NRG1: variants seen among roughly 807,000 people sequenced by gnomAD.
The protein encoded by NRG1 is pro-neuregulin-1, membrane-bound isoform.
NRG1 carries 18 observed loss-of-function variants against 63.8 expected under a neutral mutation model. The ratio of observed to expected loss-of-function variants is 0.28; its 90% CI spans 0.19 to 0.42. The LOEUF is 0.42. Ranked by LOEUF, NRG1 falls within the 10% of genes least tolerant of loss-of-function variation. NRG1 has a pLI of 1.00. For synonymous variants in NRG1, 302 were observed against 301.3 expected (o/e 1.00, Z -0.02); for missense variants, 762 against 814.7 (o/e 0.94, Z 0.79).
chr8:31,969,450 G>A (rs537528966), intron 1 of NRG1, among the ~76,000 whole-genome samples: 1 of 152,212 alleles, frequency 6.6e-6, no homozygotes, highest in South Asian at 2.1e-4. Flanking sequence ...TTAACTGATT[G>A]AACATCAACA....
chr8:32,771,715 A>AAAAATATATATATATATAT (rs1343943621), downstream of NRG1, among the ~76,000 whole-genome samples: 6 of 111,848 alleles, frequency 5.4e-5, no homozygotes, highest in African/African-American at 2.1e-4. Flanking sequence ...TTAAAAAAAA[A>AAAAATATATATATATATAT]ATATATATAT....
intron 1 of NRG1, among the ~76,000 whole-genome samples, chr8:31,928,133 G>A (rs146949855): frequency 3.3e-5 from 5 of 151,658 alleles, no homozygotes; most frequent in East Asian, 1.9e-4. Context: ...ATATGGTTGT[G>A]TGACAAAAAG....
chr8:31,690,578 G>A (rs12682592), intron 1 of NRG1, among the ~76,000 whole-genome samples: 26,739 of 152,134 alleles, frequency 0.18, 3,298 homozygotes, highest in East Asian at 0.57. Context: ...GAGGTGATCC[G>A]AGAGAGTGAT....
At chr8:32,144,213 G>GT (rs1836614232) in intron 1 of NRG1, among the ~76,000 whole-genome samples, 1 of 152,156 alleles carries the variant, frequency 6.6e-6, no homozygotes. Context: ...CAGTCATAAA[G>GT]CAAAGGACAG....
chr8:31,896,671 T>C (rs1393098755), intron 1 of NRG1, among the ~76,000 whole-genome samples: 1 of 152,226 alleles, frequency 6.6e-6, no homozygotes, highest in Non-Finnish European at 1.5e-5. Flanking sequence ...GTTGCCTTTC[T>C]AACAAGTTTC....
At chr8:31,875,513 C>A (rs898716562) in intron 1 of NRG1, among the ~76,000 whole-genome samples, 1 of 152,078 alleles carries the variant, frequency 6.6e-6, no homozygotes, top group African/African-American at 2.4e-5. Flanking sequence ...ATAATTGAGA[C>A]CTAAACATGG....
intron 1 of NRG1, among the ~76,000 whole-genome samples, chr8:32,368,821 A>G (rs143845165): frequency 6.6e-6 from 1 of 152,228 alleles, no homozygotes; most frequent in Non-Finnish European, 1.5e-5. Flanking sequence ...AAAATGATGT[A>G]AACTTATTTT....
chr8:31,881,548 C>A (rs889635069), intron 1 of NRG1, among the ~76,000 whole-genome samples: 2 of 152,170 alleles, frequency 1.3e-5, no homozygotes, highest in African/African-American at 2.4e-5. Context: ...ACATCTTTCA[C>A]TTTAAACCAA....
chr8:32,268,296 C>T (rs1362600154), intron 1 of NRG1, among the ~76,000 whole-genome samples: 3 of 152,158 alleles, frequency 2.0e-5, no homozygotes, highest in African/African-American at 7.2e-5. Flanking sequence ...ATTCCTAAGC[C>T]ACATAACCCG....
intron 1 of NRG1, among the ~76,000 whole-genome samples, chr8:32,534,579 T>C (rs552328809): frequency 6.6e-5 from 10 of 152,302 alleles, no homozygotes; most frequent in African/African-American, 2.2e-4. Context: ...TAATCAAATA[T>C]GAGTTCTGGT....
intron 1 of NRG1, among the ~76,000 whole-genome samples, chr8:32,383,299 T>G (rs1810582053): frequency 6.6e-6 from 1 of 152,108 alleles, no homozygotes; most frequent in African/African-American, 2.4e-5. Flanking sequence ...CATATTGCAA[T>G]GAGAGTGAAA....
chr8:32,346,955 A>G (rs9297188), intron 1 of NRG1, among the ~76,000 whole-genome samples: 78,364 of 151,298 alleles, frequency 0.52, 21,185 homozygotes, highest in Non-Finnish European at 0.61. Context: ...TCAGCCTCCC[A>G]AGCAGCTGGG....
intron 1 of NRG1, among the ~76,000 whole-genome samples, chr8:31,657,715 T>C (rs1460104202): frequency 6.6e-6 from 1 of 152,246 alleles, no homozygotes; most frequent in Non-Finnish European, 1.5e-5. Context: ...CATGTTTACA[T>C]ATCTTACGTC....
downstream of NRG1, among the ~76,000 whole-genome samples, chr8:32,772,883 C>G (rs1342667954): frequency 6.6e-6 from 1 of 152,132 alleles, no homozygotes; most frequent in Non-Finnish European, 1.5e-5. Flanking sequence ...AACCAGGTAC[C>G]TTCCAACAAC....
chr8:31,757,871 A>C (rs1346420396), intron 1 of NRG1, among the ~76,000 whole-genome samples: 2 of 152,088 alleles, frequency 1.3e-5, no homozygotes, highest in African/African-American at 4.8e-5. Context: ...GAATTCTGTC[A>C]TTCTAGAAAT....
chr8:32,302,177 C>T (rs550721816), intron 1 of NRG1, among the ~76,000 whole-genome samples: 2 of 152,110 alleles, frequency 1.3e-5, no homozygotes, highest in Non-Finnish European at 2.9e-5. Context: ...CTTGGGGGTG[C>T]AGGAATTCCC....
At chr8:31,991,191 T>G (rs1177195428) in intron 1 of NRG1, among the ~76,000 whole-genome samples, 2 of 152,024 alleles carry the variant, frequency 1.3e-5, no homozygotes, top group African/African-American at 4.8e-5. Flanking sequence ...GAGAACAATT[T>G]TTTAAGTGAT....
At chr8:32,592,854 A>G (rs915415291) in intron 1 of NRG1, among the ~76,000 whole-genome samples, 1 of 152,176 alleles carries the variant, frequency 6.6e-6, no homozygotes, top group African/African-American at 2.4e-5. Flanking sequence ...AAATTTAAGT[A>G]TAACTTTTGA....
intron 1 of NRG1, among the ~76,000 whole-genome samples, chr8:31,721,369 T>G (rs4458836): frequency 0.73 from 111,063 of 152,124 alleles, 43,558 homozygotes; most frequent in East Asian, 0.99. Flanking sequence ...CATTCTGCTA[T>G]CTTTTAGAAC....
Sources: gnomAD v4.1 joint callset for allele counts (sites outside exome capture counted in the v4.1 genomes callset) on GRCh38, gnomAD v4.1.1 for gene constraint, MANE v1.5 for transcripts, NCBI Gene and HGNC (gene_info 2026-07-23, HGNC 2026-07-21) for gene names.